HEXB: variants seen among roughly 807,000 people sequenced by gnomAD.
The protein encoded by HEXB is hexosaminidase subunit beta.
A neutral mutation model predicts 71.2 loss-of-function variants in HEXB; 51 were observed. The observed-to-expected ratio is 0.72, with a 90% CI of 0.57 to 0.90. The LOEUF is 0.90. Ranked by LOEUF, HEXB falls within the 40% of genes least tolerant of loss-of-function variation. The probability of loss-of-function intolerance (pLI) is 0.00; values close to 1 mark genes in which losing one functional copy is unlikely to be tolerated. For synonymous variants in HEXB, 266 were observed against 249.3 expected (o/e 1.07, Z -0.63); for missense variants, 617 against 677.0 (o/e 0.91, Z 0.98).
intron 1 of HEXB, among the ~76,000 whole-genome samples, chr5:74,668,578 C>A (rs1418839495): frequency 3.9e-5 from 6 of 152,126 alleles, no homozygotes; most frequent in Admixed American, 2.6e-4. Flanking sequence ...ATGTACCCTG[C>A]AGCGTTGTTA....
intron 1 of HEXB, among the ~76,000 whole-genome samples, chr5:74,686,337 A>T (rs1164532763): frequency 6.6e-6 from 1 of 152,112 alleles, no homozygotes; most frequent in Non-Finnish European, 1.5e-5. Context: ...AAGACGCCAC[A>T]CACTGTCCCC....
At chr5:74,658,742 T>TC (rs770352282) in intron 1 of HEXB, among the ~76,000 whole-genome samples, 22 of 152,192 alleles carry the variant, frequency 1.4e-4, no homozygotes, top group Admixed American at 3.3e-4. Flanking sequence ...GCCCTATGCA[T>TC]CTCTTCCTTT....
chr5:74,661,515 G>C (rs112403232), intron 1 of HEXB, among the ~76,000 whole-genome samples: 97 of 4,924 alleles, frequency 0.02, 1 homozygote, highest in Admixed American at 0.033. Context: ...CTCTCTCTCT[G>C]TGTGTGTGTG....
intron 11 of HEXB, among the ~76,000 whole-genome samples, chr5:74,719,177 A>G (rs1459223503): frequency 6.6e-6 from 1 of 152,144 alleles, no homozygotes; most frequent in African/African-American, 2.4e-5. Flanking sequence ...TTAAACTCTC[A>G]AGAAACCATA....
chr5:74,692,546 C>G (rs1383075035), intron 2 of HEXB, among the ~76,000 whole-genome samples: 1 of 152,118 alleles, frequency 6.6e-6, no homozygotes, highest in East Asian at 1.9e-4. Flanking sequence ...TCATAAATAG[C>G]AATATAGTTC....
chr5:74,716,249 A>G (rs1251533555), intron 8 of HEXB, among the ~76,000 whole-genome samples: 3 of 152,112 alleles, frequency 2.0e-5, no homozygotes, highest in Non-Finnish European at 4.4e-5. Flanking sequence ...TCAAAAAAAG[A>G]CTACTGTGAA....
At chr5:74,699,590 A>G (rs1023726888) in intron 5 of HEXB, among the ~76,000 whole-genome samples, 3 of 152,088 alleles carry the variant, frequency 2.0e-5, no homozygotes, top group Non-Finnish European at 4.4e-5. Context: ...TACTCTTTTA[A>G]CAGTTGAATA....
Position 74,643,026 on chromosome 5 carries a change from G to T in HEXB, c.-377+2468G>T, listed in dbSNP as rs146484115. 2.1e-3 allele frequency among the ~76,000 whole-genome samples: 322 copies of T among 152,278 alleles called. 3 individuals carry two copies. Among genetic ancestry groups the T allele is most frequent in the African/African-American group, 6.7e-3 (278 of 41,572 alleles). The stretch of plus-strand genomic sequence containing the variant: ...GGGAGATAAGCAATACAAGAGAAAA[G>T]AAATTAGCTTATGTAAGTCCTAAAA... On this transcript the variant is annotated intron_variant, in intron 1 of 13. Transcript: ENST00000511181.
chr5:74,661,850 T>A (rs1006281), intron 1 of HEXB, among the ~76,000 whole-genome samples: 37,350 of 152,100 alleles, frequency 0.25, 4,902 homozygotes, highest in Admixed American at 0.36. Flanking sequence ...GTTTTCCTAG[T>A]ACATTTACTC....
chr5:74,648,465 T>A (rs1748041416), intron 1 of HEXB, among the ~76,000 whole-genome samples: 1 of 152,220 alleles, frequency 6.6e-6, no homozygotes, highest in Non-Finnish European at 1.5e-5. Context: ...AATCCCCTTC[T>A]CCAGCACAAT....
intron 10 of HEXB, 29 bp from the exon 11 acceptor site, chr5:74,718,768 A>G (rs1273519991): frequency 1.1e-5 from 18 of 1,606,194 alleles, no homozygotes; most frequent in Non-Finnish European, 1.5e-5. Flanking sequence ...AGGCCTAATA[A>G]TATGTATTGC....
chr5:74,718,188 G>A (rs558848294), intron 9 of HEXB, 103 bp from the exon 10 acceptor site: 5 of 825,426 alleles, frequency 6.1e-6, no homozygotes, highest in African/African-American at 5.1e-5. Flanking sequence ...ATACTAAAAG[G>A]CACCTCTCAA....
intron 1 of HEXB, among the ~76,000 whole-genome samples, chr5:74,660,796 C>T (rs1441327017): frequency 1.3e-5 from 2 of 152,168 alleles, no homozygotes; most frequent in African/African-American, 4.8e-5. Context: ...TCACAGATCT[C>T]ATCAAAGAGG....
chr5:74,673,519 A>C (rs1177913006), intron 1 of HEXB, among the ~76,000 whole-genome samples: 1 of 152,152 alleles, frequency 6.6e-6, no homozygotes, highest in Non-Finnish European at 1.5e-5. Flanking sequence ...GGGGATGCTG[A>C]AGTGGCTCAC....
At position 74,721,233 on chromosome 5, in the gene HEXB, T is replaced by A. The variant is rs1252978255; in HGVS notation, c.*58T>A. The A allele has an allele frequency of 2.5e-5, 33 of 1,300,462 alleles. No homozygotes were observed. The highest frequency in any genetic ancestry group is 3.7e-5 in the Non-Finnish European group (33 of 895,132). The allele number at this position is 1,300,462 out of a possible 1,614,324, so 80.6% of individuals were successfully genotyped here. On this transcript the variant is annotated 3_prime_UTR_variant, in exon 14 of 14. Coordinates refer to ENST00000261416, the MANE Select transcript of HEXB (RefSeq NM_000521.4). ...TACTACAATCAACTTTATTTTGAAA[T>A]CATGTAAAATAAGATATTAGACTGT... is the stretch of plus-strand genomic sequence containing the variant.
At chr5:74,656,865 G>A (rs1024508631) in intron 1 of HEXB, among the ~76,000 whole-genome samples, 1 of 152,204 alleles carries the variant, frequency 6.6e-6, no homozygotes, top group Non-Finnish European at 1.5e-5. Context: ...ACCCGCCTCA[G>A]CCTTCCAAAA....
intron 6 of HEXB, among the ~76,000 whole-genome samples, chr5:74,708,973 A>G (rs1749472932): frequency 6.6e-6 from 1 of 152,184 alleles, no homozygotes. Flanking sequence ...CTCCACCCCA[A>G]ATCAACAGAA....
At chr5:74,712,490 CTTTT>C (rs1210767023) in intron 6 of HEXB, among the ~76,000 whole-genome samples, 7 of 152,050 alleles carry the variant, frequency 4.6e-5, no homozygotes, top group Non-Finnish European at 1.0e-4. Flanking sequence ...CTCCAACTGT[CTTTT>C]TCTCTTATTT....
intron 6 of HEXB, among the ~76,000 whole-genome samples, chr5:74,707,921 A>G (rs1326278569): frequency 6.6e-6 from 1 of 152,238 alleles, no homozygotes; most frequent in South Asian, 2.1e-4. Context: ...CAACATTCAG[A>G]TGCAGGAAAT....
Sources: allele counts gnomAD v4.1 joint callset (sites outside exome capture counted in the v4.1 genomes callset), GRCh38; gene constraint gnomAD v4.1.1; transcripts MANE v1.5; gene names NCBI Gene and HGNC (gene_info 2026-07-23, HGNC 2026-07-21).